Variants in SLC25A24 observed in about 807,000 individuals in gnomAD.
SLC25A24 encodes the protein mitochondrial adenyl nucleotide antiporter SLC25A24.
SLC25A24 carries 49 observed loss-of-function variants against 60.7 expected under a neutral mutation model. That is an observed-to-expected ratio of 0.81 (90% CI 0.64 to 1.02). The LOEUF (loss-of-function observed/expected upper bound fraction) is 1.02. Ranked by LOEUF, SLC25A24 falls within the 50% of genes least tolerant of loss-of-function variation. SLC25A24 has a pLI of 0.00. For synonymous variants in SLC25A24, 202 were observed against 200.6 expected, an observed-to-expected ratio of 1.01 and a Z score of -0.06; for missense variants, 564 against 586.3, an observed-to-expected ratio of 0.96 and a Z score of 0.39.
rs150730278 is a variant in SLC25A24 at position 108,155,034 on chromosome 1, G to A, written c.771C>T (p.Asn257=). The A allele has an allele frequency of 5.7e-5, 92 of 1,612,468 alleles. No homozygotes were observed. Among genetic ancestry groups the A allele is most frequent in the African/African-American group, 3.7e-4 (28 of 74,972 alleles). Residue 257 remains asparagine (N), a synonymous_variant, in exon 6 of 10, where the codon AAC becomes AAT. Coordinates refer to ENST00000565488, the MANE Select transcript of SLC25A24 (RefSeq NM_013386.5). The stretch of plus-strand genomic sequence containing the variant: ...CTGTCTCAGGAGCAATTTTGATGAC[G>A]TTTGTACCATTTCCCCTCCAAAGCG... The part of the protein sequence containing the change: ...IRSLWRGNGT[N]VIKIAPETAV...
intron 1 of SLC25A24, among the ~76,000 whole-genome samples, chr1:108,191,760 C>T (rs1241974611): frequency 7.1e-6 from 1 of 139,886 alleles, no homozygotes; most frequent in Non-Finnish European, 1.6e-5. Context: ...ACTCAATAGT[C>T]CACATGCTCA....
intron 4 of SLC25A24, 54 bp downstream of exon 4, chr1:108,161,128 C>T (rs1245650494): frequency 8.1e-6 from 8 of 983,862 alleles, no homozygotes; most frequent in Non-Finnish European, 1.3e-5. Context: ...TGGGTGATAA[C>T]TGTACCTATG....
chr1:108,161,294 C>A lies in SLC25A24; in HGVS notation c.399-1G>T, dbSNP rs138894826. The A allele has an allele frequency of 2.0e-6, 3 of 1,502,722 alleles. No homozygotes were observed. Among genetic ancestry groups the A allele is most frequent in the Non-Finnish European group, 2.8e-6 (3 of 1,086,118 alleles). The allele number at this position is 1,502,722 out of a possible 1,614,324, so 93.1% of individuals were successfully genotyped here. On this transcript the variant is annotated splice_acceptor_variant, in intron 3 of 9. Coordinates refer to ENST00000565488, the MANE Select transcript of SLC25A24 (RefSeq NM_013386.5). LOFTEE classifies it high-confidence loss of function. ...TGTCATTGTCCCATCAACATCAATGCTGAAATTTTAAAAAAATGATCAAAG... is the reference window on the plus strand; with the variant it reads ...TGTCATTGTCCCATCAACATCAATGATGAAATTTTAAAAAAATGATCAAAG...
chr1:108,165,349 G>A (rs1680216798), intron 3 of SLC25A24, among the ~76,000 whole-genome samples: 2 of 152,166 alleles, frequency 1.3e-5, no homozygotes, highest in Admixed American at 6.5e-5. Flanking sequence ...GGGTATCCTT[G>A]TTGACTTTCT....
In SLC25A24 at chr1:108,200,104, G is replaced by C. The variant is rs753276818; in HGVS notation, c.35C>G (p.Thr12Ser). 6.4e-7 allele frequency: 1 copy of C among 1,570,436 alleles called. No homozygotes were observed. The highest frequency in any genetic ancestry group is 1.2e-5 in the South Asian group (1 of 85,686). Residue 12 changes from threonine (T) to serine (S), a missense_variant, in exon 1 of 10, where the codon ACC becomes AGC. By Grantham distance (58) the Thr-to-Ser change is moderately conservative (BLOSUM62 1). Transcript: ENST00000565488. ...CTGCTCCGCGTCCTGGCAGGCCGCGGTGGGCAGCACGAAGTCCCGCAGCCA... is the reference window on the plus strand; with the variant it reads ...CTGCTCCGCGTCCTGGCAGGCCGCGCTGGGCAGCACGAAGTCCCGCAGCCA... The part of the protein sequence containing the change: ...LRWLRDFVLP[T>S]AACQDAEQPT...
At chr1:108,193,322 C>T (rs1648403846) in intron 1 of SLC25A24, among the ~76,000 whole-genome samples, 1 of 137,722 alleles carries the variant, frequency 7.3e-6, no homozygotes, top group South Asian at 2.9e-4. Flanking sequence ...GCTTTCCAGC[C>T]CTTGCCCTCC....
chr1:108,170,741 C>T (rs890174197), intron 3 of SLC25A24, among the ~76,000 whole-genome samples: 1 of 151,926 alleles, frequency 6.6e-6, no homozygotes, highest in African/African-American at 2.4e-5. Context: ...ATTAACATAG[C>T]TACCCCAGCT....
intron 3 of SLC25A24, among the ~76,000 whole-genome samples, chr1:108,177,989 C>T (rs911897061): frequency 6.6e-6 from 1 of 152,020 alleles, no homozygotes; most frequent in African/African-American, 2.4e-5. Flanking sequence ...ATGGTGAAAC[C>T]CCGTCTTTAC....
At chr1:108,185,786 T>A in intron 2 of SLC25A24, 42 bp downstream of exon 2, 1 of 1,493,390 alleles carries the variant, frequency 6.7e-7, no homozygotes, top group Non-Finnish European at 9.2e-7. Context: ...GCATGATAAA[T>A]GCTTCTTCAT....
At position 108,188,118 on chromosome 1, in the gene SLC25A24, A is replaced by G. The variant is rs552136989; in HGVS notation, c.184-2164T>C. Reference sequence around the variant, plus strand: ...GAAGGCCATTATCCTAAGCGAATCAACGCAGAAATAGAAAACCAAACACCA... The same window carrying G: ...GAAGGCCATTATCCTAAGCGAATCAGCGCAGAAATAGAAAACCAAACACCA... On this transcript the variant is annotated intron_variant, in intron 1 of 9. Transcript: ENST00000565488. 3.3e-5 allele frequency among the ~76,000 whole-genome samples: 5 copies of G among 152,058 alleles called. No homozygotes were observed. The South Asian group carries it at 1.0e-3, about 32-fold the overall frequency.
chr1:108,174,665 C>T (rs889954353), intron 3 of SLC25A24, among the ~76,000 whole-genome samples: 2 of 152,140 alleles, frequency 1.3e-5, no homozygotes, highest in African/African-American at 4.8e-5. Flanking sequence ...GCCACAGACA[C>T]TCAACGCCAG....
rs12142532 is a variant in SLC25A24, at chr1:108,183,249, G to C, written c.311-1221C>G. Among the ~76,000 whole-genome samples, 304 of 152,344 alleles carry C rather than the reference G, an allele frequency of 2.0e-3. 2 individuals are homozygous for C. Among genetic ancestry groups the C allele is most frequent in the Middle Eastern group, 3.4e-3 (1 of 294 alleles). ...GATTCTGAGAGAATCCTCCTGGGGA[G>C]AGGGAAGGAGCAGCATGAGAATCTG... On this transcript the variant is annotated intron_variant, in intron 2 of 9. Coordinates refer to ENST00000565488, the MANE Select transcript of SLC25A24 (RefSeq NM_013386.5).
chr1:108,167,451 G>A (rs977103906), intron 3 of SLC25A24, among the ~76,000 whole-genome samples: 1 of 152,196 alleles, frequency 6.6e-6, no homozygotes, highest in Admixed American at 6.5e-5. Flanking sequence ...AGACTCCGTG[G>A]GTGTAGGACC....
intron 1 of SLC25A24, among the ~76,000 whole-genome samples, chr1:108,195,157 C>T (rs1333573938): frequency 6.6e-6 from 1 of 150,984 alleles, no homozygotes; most frequent in Admixed American, 6.6e-5. Flanking sequence ...CAGTGTATTA[C>T]AGAATGTTGT....
At chr1:108,141,046 C>T (rs1679430553) in intron 8 of SLC25A24, among the ~76,000 whole-genome samples, 1 of 152,060 alleles carries the variant, frequency 6.6e-6, no homozygotes, top group African/African-American at 2.4e-5. Flanking sequence ...ATCTATGAGA[C>T]TCACTTTAGA....
At chr1:108,145,735 AG>A (rs1176489575) in intron 7 of SLC25A24, among the ~76,000 whole-genome samples, 1 of 152,044 alleles carries the variant, frequency 6.6e-6, no homozygotes, top group Non-Finnish European at 1.5e-5. Context: ...GTTATTTCTG[AG>A]GCCTCTGTTC....
In SLC25A24 at chr1:108,136,757, A is replaced by G. The variant is rs1679300033; in HGVS notation, c.1330T>C (p.Tyr444His). The change falls in exon 10 of 10, where the codon TAC (tyrosine) becomes CAC (histidine). Residue 444 changes from tyrosine to histidine, a missense_variant. Coordinates refer to ENST00000565488, the MANE Select transcript of SLC25A24 (RefSeq NM_013386.5). The stretch of plus-strand genomic sequence containing the variant: ...ATGAAGTTTGGGGTGATGCCTCTGT[A>G]AAGTCCTGGTATTCCTTCTTTGGAA... ...IISKEGIPGL[Y>H]RGITPNFMKV... The G allele has an allele frequency of 1.2e-6, 2 of 1,613,996 alleles. No homozygotes were observed. Among genetic ancestry groups the G allele is most frequent in the Admixed American group, 1.7e-5 (1 of 60,004 alleles).
chr1:108,145,472 A>G (rs1356809489), intron 7 of SLC25A24, among the ~76,000 whole-genome samples: 1 of 152,122 alleles, frequency 6.6e-6, no homozygotes, highest in Non-Finnish European at 1.5e-5. Flanking sequence ...TGATTCAGTC[A>G]TGAAGTCTTT....
chr1:108,144,265 A>G (rs1679524524), intron 7 of SLC25A24, among the ~76,000 whole-genome samples: 1 of 151,846 alleles, frequency 6.6e-6, no homozygotes, highest in Non-Finnish European at 1.5e-5. Flanking sequence ...GTTACTAAAA[A>G]CCCCTCTGCT....
Sources: allele counts gnomAD v4.1 joint callset (sites outside exome capture counted in the v4.1 genomes callset), GRCh38; gene constraint gnomAD v4.1.1; transcripts MANE v1.5; gene names NCBI Gene and HGNC (gene_info 2026-07-23, HGNC 2026-07-21).